ZNF496: variants seen among roughly 807,000 people sequenced by gnomAD.
ZNF496 encodes NSD1 (nuclear receptor binding SET-domain containing 1)-interacting zinc finger protein 1.
A neutral mutation model predicts 58.9 loss-of-function variants in ZNF496; 11 were observed. The ratio of observed to expected loss-of-function variants is 0.19; its 90% CI spans 0.12 to 0.31. ZNF496 has a LOEUF of 0.31. Among genes scored for constraint, ZNF496 ranks in the 10% least tolerant of loss-of-function variants. ZNF496 has a pLI of 1.00. For missense variants in ZNF496, 660 were observed against 783.0 expected (o/e 0.84, Z 1.88); for synonymous variants, 338 against 318.2 (o/e 1.06, Z -0.66).
At position 247,300,971 on chromosome 1, in the gene ZNF496, A is replaced by C; in HGVS notation, c.1312T>G (p.Ser438Ala). The change falls in exon 10 of 10, where the codon TCG (serine) becomes GCG (alanine). Residue 438 changes from serine to alanine, a missense_variant. By Grantham distance (99) the Ser-to-Ala change is moderately conservative. Coordinates refer to ENST00000682384, the MANE Select transcript of ZNF496 (RefSeq NM_032752.3). The surrounding 1 kb of genome is among the most constrained non-coding windows in gnomAD (Gnocchi z 5.7). ...RREQEKPHEC[S>A]VCGELFSDSE... ...TCGCTGAACAGCTCCCCGCACACCG[A>C]GCACTCGTGCGGCTTCTCCTGCTCC... 6.2e-7 allele frequency: 1 copy of C among 1,613,816 alleles called. No individual in the cohort carries two copies. The highest frequency in any genetic ancestry group is 1.1e-5 in the South Asian group (1 of 91,080).
At chr1:247,310,225 C>T in intron 7 of ZNF496, 99 bp downstream of exon 7, 1 of 1,557,936 alleles carries the variant, frequency 6.4e-7, no homozygotes, top group Non-Finnish European at 8.7e-7. Flanking sequence ...GCAGGCCCCG[C>T]TTCCCTGATC....
rs1193158817 is a variant in ZNF496 at position 247,329,055 on chromosome 1, ACT to A, written c.390+132_390+133del. On this transcript the variant is annotated intron_variant, in intron 4 of 9. Coordinates refer to ENST00000682384, the MANE Select transcript of ZNF496 (RefSeq NM_032752.3). This position sits in a 1 kb window ranked among gnomAD's most constrained non-coding sequence, Gnocchi z 5.5. ...GGAGTAAAACTGGCTTTCTTAGGAA[ACT>A]CTAGTCTGGACCTAACCAAAGTAAA... 2.7e-6 allele frequency: 4 copies of A among 1,474,382 alleles called. No individual in the cohort carries two copies. The highest frequency in any genetic ancestry group is 1.2e-5 in the South Asian group (1 of 82,050). 91.3% of individuals were successfully genotyped at this position (1,474,382 alleles called of 1,614,324 possible). A position where few individuals can be genotyped will look rare whatever the true frequency, so the allele number is the denominator to read the frequency against.
chr1:247,331,148 G>A (rs1399985889), intron 2 of ZNF496, among the ~76,000 whole-genome samples: 2 of 152,202 alleles, frequency 1.3e-5, no homozygotes, highest in African/African-American at 4.8e-5. Flanking sequence ...CTGCCACTCG[G>A]ATCGTCTCCA....
chr1:247,305,589 T>C (rs1261380778), intron 9 of ZNF496, among the ~76,000 whole-genome samples: 2 of 152,186 alleles, frequency 1.3e-5, no homozygotes, highest in African/African-American at 4.8e-5. Context: ...CAGGAATGAA[T>C]GACTTCCTGC....
intron 6 of ZNF496, chr1:247,312,576 G>C (rs1659634264): frequency 6.6e-6 from 1 of 152,024 alleles, no homozygotes; most frequent in Non-Finnish European, 1.5e-5. Flanking sequence ...AGCCTAGCTA[G>C]CCAAAATAGC....
chr1:247,307,185 T>C, intron 9 of ZNF496: 2 of 985,406 alleles, frequency 2.0e-6, no homozygotes, highest in Non-Finnish European at 2.4e-6. Context: ...GCAGACCTTA[T>C]CACCAGCTAT....
intron 9 of ZNF496, among the ~76,000 whole-genome samples, chr1:247,302,476 G>T (rs984472167): frequency 2.0e-5 from 3 of 151,338 alleles, no homozygotes; most frequent in Non-Finnish European, 4.4e-5. Flanking sequence ...GATTGTGTTT[G>T]TGTGTGTGCA....
chr1:247,329,272 G>T lies in ZNF496; in HGVS notation c.307C>A (p.Arg103=). 1.2e-6 allele frequency: 2 copies of T among 1,613,578 alleles called. No individual in the cohort carries two copies. Among genetic ancestry groups the T allele is most frequent in the South Asian group, 2.2e-5 (2 of 91,086 alleles). ...ILPREIQSWV[R]AQEPESGEQA... Reference sequence around the variant, plus strand: ...TCTCCGCTCTCAGGCTCCTGCGCCCGCACCCAGCTCTGGATCTCCCGGGGC... The same window carrying T: ...TCTCCGCTCTCAGGCTCCTGCGCCCTCACCCAGCTCTGGATCTCCCGGGGC... Residue 103 remains arginine (R), a synonymous_variant, in exon 4 of 10, where the codon CGG becomes AGG. Transcript: ENST00000682384. The surrounding 1 kb of genome is among the most constrained non-coding windows in gnomAD (Gnocchi z 5.5).
Position 247,301,051 on chromosome 1 carries a change from C to G in ZNF496, c.1232G>C (p.Cys411Ser). 1 of 1,613,758 alleles carries G rather than the reference C, an allele frequency of 6.2e-7. No homozygotes were observed. The highest frequency in any genetic ancestry group is 8.5e-7 in the Non-Finnish European group (1 of 1,180,046). Residue 411 changes from cysteine (C) to serine (S), a missense_variant, in exon 10 of 10, where the codon TGT becomes TCT. Cys to Ser is a moderately radical substitution (Grantham distance 112, BLOSUM62 -1). Coordinates refer to ENST00000682384, the MANE Select transcript of ZNF496 (RefSeq NM_032752.3). ...TSKKSYVCPN[C>S]GKIFRWRVNF... Reference sequence around the variant, plus strand: ...GACCCTCCAGCGGAAGATTTTCCCACAGTTCGGACACACGTAGGACTTCTT... The same window carrying G: ...GACCCTCCAGCGGAAGATTTTCCCAGAGTTCGGACACACGTAGGACTTCTT...
chr1:247,331,570 T>TCCTTTCCCGGCC lies in ZNF496; in HGVS notation c.-304_-293dup, dbSNP rs1177000191. 1 of 151,930 alleles carries TCCTTTCCCGGCC rather than the reference T, an allele frequency of 6.6e-6. No individual in the cohort carries two copies. The highest frequency in any genetic ancestry group is 1.5e-5 in the Non-Finnish European group (1 of 68,020). The allele number at this position is 151,930 out of a possible 1,614,324, so 9.4% of individuals were successfully genotyped here. A position where few individuals can be genotyped will look rare whatever the true frequency, so the allele number is the denominator to read the frequency against. On this transcript the variant is annotated 5_prime_UTR_variant, in exon 2 of 10. Coordinates refer to ENST00000682384, the MANE Select transcript of ZNF496 (RefSeq NM_032752.3). ...GGCGGGGTCTCCGCAGGCGCCCGGC[T>TCCTTTCCCGGCC]CCTTTCCCGGCCCGTCCAGACCGCG...
Position 247,309,607 on chromosome 1 carries a change from G to A in ZNF496, c.892+92C>T. Reference sequence around the variant, plus strand: ...GGGGAAATGAAGAAGGCAATTAGGGGCCGCAGAGAGAAGCCAGAGAGTGGG... The same window carrying A: ...GGGGAAATGAAGAAGGCAATTAGGGACCGCAGAGAGAAGCCAGAGAGTGGG... On this transcript the variant is annotated intron_variant, in intron 8 of 9. Transcript: ENST00000682384. The surrounding 1 kb of genome is among the most constrained non-coding windows in gnomAD (Gnocchi z 4.3). 1.9e-6 allele frequency: 3 copies of A among 1,544,346 alleles called. No homozygotes were observed. The highest frequency in any genetic ancestry group is 1.7e-6 in the Non-Finnish European group (2 of 1,144,126).
intron 6 of ZNF496, among the ~76,000 whole-genome samples, chr1:247,314,203 A>C (rs1659701288): frequency 6.6e-6 from 1 of 151,916 alleles, no homozygotes; most frequent in Admixed American, 6.6e-5. Flanking sequence ...GGACTACAGG[A>C]GTGAGCCACC....
In ZNF496 at chr1:247,300,911, C is replaced by T. The variant is rs747132338; in HGVS notation, c.1372G>A (p.Glu458Lys). 4 of 1,612,938 alleles carry T rather than the reference C, an allele frequency of 2.5e-6. No homozygotes were observed. Among genetic ancestry groups the T allele is most frequent in the Non-Finnish European group, 2.5e-6 (3 of 1,179,416 alleles). ...CCACACCGGTAAGGCTTCTGGGCCT[C>T]GTGGCTCTCTAGGTGCCCATCCAGG... ...EDLDGHLESH[E>K]AQKPYRCGAC... Residue 458 changes from glutamate (E) to lysine (K), a missense_variant, in exon 10 of 10, where the codon GAG becomes AAG. Physicochemically the swap from Glu to Lys is moderately conservative, Grantham distance 56. Transcript: ENST00000682384. This position sits in a 1 kb window ranked among gnomAD's most constrained non-coding sequence, Gnocchi z 5.7.
At chr1:247,305,664 A>G (rs1659383806) in intron 9 of ZNF496, among the ~76,000 whole-genome samples, 1 of 152,258 alleles carries the variant, frequency 6.6e-6, no homozygotes, top group African/African-American at 2.4e-5. Context: ...AACCAAAATG[A>G]TAAAGGCATT....
At chr1:247,322,815 A>G (rs1572090411) in intron 6 of ZNF496, 1 of 1,303,372 alleles carries the variant, frequency 7.7e-7, no homozygotes. Flanking sequence ...TCTGTAAAAT[A>G]AAAGAGCAGA....
chr1:247,301,415 C>G, intron 9 of ZNF496, 139 bp from the exon 10 acceptor site: 1 of 1,115,454 alleles, frequency 9.0e-7, no homozygotes, highest in South Asian at 2.1e-5. Flanking sequence ...GGCGGCCTGG[C>G]CAGCCCTGCA....
At position 247,309,976 on chromosome 1, in the gene ZNF496, C is replaced by T. The variant is rs745329142; in HGVS notation, c.785-170G>A. The T allele has an allele frequency of 2.2e-6, 3 of 1,335,690 alleles. No homozygotes were observed. The highest frequency in any genetic ancestry group is 1.5e-5 in the South Asian group (1 of 65,094). 82.7% of individuals were successfully genotyped at this position (1,335,690 alleles called of 1,614,324 possible). A position where few individuals can be genotyped will look rare whatever the true frequency, so the allele number is the denominator to read the frequency against. ...GTGCAGGGGCAGTGGGGGCAGCACA[C>T]GCAGGGAGAGCTATGGGCTTGGGGG... On this transcript the variant is annotated intron_variant, in intron 7 of 9. Coordinates refer to ENST00000682384, the MANE Select transcript of ZNF496 (RefSeq NM_032752.3). This position sits in a 1 kb window ranked among gnomAD's most constrained non-coding sequence, Gnocchi z 4.3.
At chr1:247,301,364 GT>G in intron 9 of ZNF496, 88 bp from the exon 10 acceptor site, 1 of 1,456,272 alleles carries the variant, frequency 6.9e-7, no homozygotes, top group Non-Finnish European at 9.1e-7. Flanking sequence ...TCAGCTTGGA[GT>G]TTACAAACCC....
rs1050249792 is a variant in ZNF496, at chr1:247,322,631, C to T, written c.651+523G>A. The T allele has an allele frequency of 3.7e-6, 4 of 1,076,336 alleles. No individual in the cohort carries two copies. In the African/African-American group the frequency reaches 4.9e-5, roughly 13 times the overall value. 66.7% of individuals were successfully genotyped at this position (1,076,336 alleles called of 1,614,324 possible). On this transcript the variant is annotated intron_variant, in intron 6 of 9. Coordinates refer to ENST00000682384, the MANE Select transcript of ZNF496 (RefSeq NM_032752.3). Reference sequence around the variant, plus strand: ...GCCCTGACTCTGACTCCTCAGAGCACCCGAGTAAGCAAGTCTTACACAAAA... The same window carrying T: ...GCCCTGACTCTGACTCCTCAGAGCATCCGAGTAAGCAAGTCTTACACAAAA...
Sources: allele counts gnomAD v4.1 joint callset (sites outside exome capture counted in the v4.1 genomes callset), GRCh38; gene constraint gnomAD v4.1.1; non-coding constraint Gnocchi (gnomAD v3.1); transcripts MANE v1.5; gene names NCBI Gene and HGNC (gene_info 2026-07-23, HGNC 2026-07-21).